ESCO1: variants seen among roughly 807,000 people sequenced by gnomAD.
ESCO1 encodes the protein N-acetyltransferase ESCO1.
ESCO1 carries 33 observed loss-of-function variants against 83.5 expected under a neutral mutation model. That is an observed-to-expected ratio of 0.40 (90% CI 0.30 to 0.53). The LOEUF (loss-of-function observed/expected upper bound fraction) is 0.53, where lower values mean the gene tolerates loss of function less well. ESCO1 is among the 20% of genes least tolerant of loss of function. The pLI is 0.63. For synonymous variants in ESCO1, 332 were observed against 324.3 expected, an observed-to-expected ratio of 1.02 and a Z score of -0.25; for missense variants, 855 against 968.0, an observed-to-expected ratio of 0.88 and a Z score of 1.55.
chr18:21,536,821 T>TG (rs1173141679), intron 9 of ESCO1, among the ~76,000 whole-genome samples: 3 of 152,098 alleles, frequency 2.0e-5, no homozygotes, highest in Non-Finnish European at 4.4e-5. Flanking sequence ...TTCACTGCAA[T>TG]CTTAGCCAGG....
At chr18:21,599,711 T>C (rs922824483) in intron 1 of ESCO1, among the ~76,000 whole-genome samples, 1 of 152,108 alleles carries the variant, frequency 6.6e-6, no homozygotes, top group Non-Finnish European at 1.5e-5. Flanking sequence ...TTCCTCCTCC[T>C]CTTCCTCCCT....
At position 21,558,077 on chromosome 18, in the gene ESCO1, T is replaced by G. The variant is rs549815603; in HGVS notation, c.1953+2782A>C. Among the ~76,000 whole-genome samples the G allele has an allele frequency of 2.0e-4, 30 of 151,550 alleles. 1 individual carries two copies. In the South Asian group the frequency reaches 6.1e-3, roughly 31 times the overall value. On this transcript the variant is annotated intron_variant, in intron 8 of 11. Transcript: ENST00000269214. ...ACCTCCTGGGCTCAAGCCAACCTCC[T>G]GAGCTCAAGCGATCCTCCCACCTCA...
intron 6 of ESCO1, among the ~76,000 whole-genome samples, chr18:21,565,266 C>T (rs144345824): frequency 6.6e-6 from 1 of 152,282 alleles, no homozygotes; most frequent in East Asian, 1.9e-4. Flanking sequence ...GTACTAAATA[C>T]TGTTTGTTGT....
chr18:21,538,503 T>C (rs1317920764), intron 9 of ESCO1, among the ~76,000 whole-genome samples: 1 of 152,182 alleles, frequency 6.6e-6, no homozygotes, highest in Admixed American at 6.6e-5. Flanking sequence ...TCTATTCTGT[T>C]AGGCAGCAGT....
At chr18:21,588,806 C>G (rs1347974719) in intron 1 of ESCO1, among the ~76,000 whole-genome samples, 1 of 151,918 alleles carries the variant, frequency 6.6e-6, no homozygotes, top group Non-Finnish European at 1.5e-5. Context: ...GTCCCATCTA[C>G]TTGGGAGGCT....
At chr18:21,534,841 G>T (rs942507751) in intron 10 of ESCO1, among the ~76,000 whole-genome samples, 1 of 151,782 alleles carries the variant, frequency 6.6e-6, no homozygotes, top group South Asian at 2.1e-4. Context: ...GGCCAGGCTG[G>T]TCTCAAACTC....
intron 8 of ESCO1, among the ~76,000 whole-genome samples, chr18:21,550,887 C>T (rs1411560723): frequency 6.6e-6 from 1 of 151,688 alleles, no homozygotes; most frequent in African/African-American, 2.4e-5. Context: ...CCGAGATGGG[C>T]GGATCACGAG....
intron 11 of ESCO1, among the ~76,000 whole-genome samples, chr18:21,531,952 T>G (rs540585307): frequency 6.6e-6 from 1 of 150,984 alleles, no homozygotes; most frequent in South Asian, 2.1e-4. Context: ...AATAATTAAT[T>G]TTAACCTCCT....
intron 8 of ESCO1, among the ~76,000 whole-genome samples, chr18:21,550,999 C>T (rs2038039036): frequency 6.6e-6 from 1 of 151,364 alleles, no homozygotes; most frequent in Non-Finnish European, 1.5e-5. Context: ...GTAGTCCCAG[C>T]TACTTGGGAG....
chr18:21,559,143 A>G (rs2038150665), intron 8 of ESCO1, among the ~76,000 whole-genome samples: 2 of 152,222 alleles, frequency 1.3e-5, no homozygotes, highest in Admixed American at 6.5e-5. Context: ...GACTCTGTGT[A>G]TACCTACATT....
chr18:21,570,674 T>C (rs1277165697), intron 4 of ESCO1, among the ~76,000 whole-genome samples: 2 of 152,062 alleles, frequency 1.3e-5, no homozygotes, highest in Admixed American at 1.3e-4. Flanking sequence ...GATGGGTAAA[T>C]GGAATAAAGA....
Position 21,574,752 on chromosome 18 carries a change from G to A in ESCO1, c.92C>T (p.Ser31Phe). Residue 31 changes from serine (S) to phenylalanine (F), a missense_variant, in exon 4 of 12, where the codon TCT becomes TTT. Physicochemically the swap from Ser to Phe is radical, Grantham distance 155. Coordinates refer to ENST00000269214, the MANE Select transcript of ESCO1 (RefSeq NM_052911.3). ...DKNSETEIQD[S>F]QKNLAKKSGP... is the part of the protein sequence containing the mutation. The stretch of plus-strand genomic sequence containing the variant: ...TGATTTTTTTGCTAGATTCTTTTGA[G>A]AATCCTGAATTTCTGTTTCTGAATT... 6.2e-7 allele frequency: 1 copy of A among 1,608,610 alleles called. No homozygotes were observed. Among genetic ancestry groups the A allele is most frequent in the Non-Finnish European group, 8.5e-7 (1 of 1,179,776 alleles).
intron 1 of ESCO1, among the ~76,000 whole-genome samples, chr18:21,586,504 T>C (rs2038578611): frequency 6.6e-6 from 1 of 152,234 alleles, no homozygotes; most frequent in Non-Finnish European, 1.5e-5. Context: ...CTCTTCCATA[T>C]ACTGATTTAT....
At chr18:21,592,027 T>C (rs1276486714) in intron 1 of ESCO1, among the ~76,000 whole-genome samples, 1 of 151,972 alleles carries the variant, frequency 6.6e-6, no homozygotes, top group African/African-American at 2.4e-5. Flanking sequence ...CAGAAGAATT[T>C]TTCTTAGTAA....
chr18:21,534,551 G>T (rs1339164072), intron 10 of ESCO1, among the ~76,000 whole-genome samples: 1 of 151,682 alleles, frequency 6.6e-6, no homozygotes, highest in Admixed American at 6.6e-5. Context: ...TTTGTTTTTT[G>T]TACAAGTTGG....
intron 1 of ESCO1, among the ~76,000 whole-genome samples, chr18:21,592,645 C>A (rs1484252100): frequency 6.9e-6 from 1 of 145,172 alleles, no homozygotes; most frequent in African/African-American, 2.6e-5. Context: ...GCTGGCCTGG[C>A]GCGGGCTGAC....
chr18:21,544,331 G>A (rs985013061), intron 8 of ESCO1, among the ~76,000 whole-genome samples: 9 of 151,904 alleles, frequency 5.9e-5, no homozygotes. Context: ...TAGAGGTGGG[G>A]CATGGTGGCT....
intron 8 of ESCO1, among the ~76,000 whole-genome samples, chr18:21,543,286 T>C (rs1281021451): frequency 1.3e-5 from 2 of 152,140 alleles, no homozygotes; most frequent in Admixed American, 1.3e-4. Flanking sequence ...TCCCGAGTAG[T>C]TGGGATCACA....
At chr18:21,561,583 C>T (rs2038186745) in intron 7 of ESCO1, among the ~76,000 whole-genome samples, 1 of 152,044 alleles carries the variant, frequency 6.6e-6, no homozygotes, top group Non-Finnish European at 1.5e-5. Flanking sequence ...CGTGCCATTG[C>T]ACTGGACTAA....
Sources: allele counts gnomAD v4.1 joint callset (sites outside exome capture counted in the v4.1 genomes callset), GRCh38; gene constraint gnomAD v4.1.1; transcripts MANE v1.5; gene names NCBI Gene and HGNC (gene_info 2026-07-23, HGNC 2026-07-21).